Variants in BCL2L13 observed in about 807,000 individuals in gnomAD.
The protein encoded by BCL2L13 is BCL2 like 13.
A neutral mutation model predicts 25.8 loss-of-function variants in BCL2L13; 13 were observed. The observed-to-expected ratio is 0.50, with a 90% CI of 0.33 to 0.80. The LOEUF is 0.80. Among genes scored for constraint, BCL2L13 ranks in the 30% least tolerant of loss-of-function variants. BCL2L13 has a pLI of 0.02. For missense variants in BCL2L13, 504 were observed against 574.9 expected, an observed-to-expected ratio of 0.88 and a Z score of 1.26; for synonymous variants, 244 against 230.3, an observed-to-expected ratio of 1.06 and a Z score of -0.54.
At chr22:17,713,635 T>C (rs1470767736) in intron 6 of BCL2L13, among the ~76,000 whole-genome samples, 1 of 151,700 alleles carries the variant, frequency 6.6e-6, no homozygotes, top group African/African-American at 2.4e-5. Context: ...CTAATTTTTG[T>C]ATTTTTAGTA....
At chr22:17,662,609 C>T (rs1186120364) in intron 2 of BCL2L13, among the ~76,000 whole-genome samples, 4 of 152,066 alleles carry the variant, frequency 2.6e-5, no homozygotes, top group Non-Finnish European at 5.9e-5. Context: ...ATCACTTGAG[C>T]CCAGGAATTC....
At chr22:17,693,031 A>G (rs965189079) in intron 4 of BCL2L13, among the ~76,000 whole-genome samples, 4 of 152,086 alleles carry the variant, frequency 2.6e-5, no homozygotes, top group Non-Finnish European at 5.9e-5. Context: ...TTGTCATGGC[A>G]TGTGTCAGAA....
At position 17,682,592 on chromosome 22, in the gene BCL2L13, C is replaced by G. The variant is rs192548949; in HGVS notation, c.122-622C>G. On this transcript the variant is annotated intron_variant, in intron 2 of 6. Coordinates refer to ENST00000317582, the MANE Select transcript of BCL2L13 (RefSeq NM_015367.4). ...TTGTCTACAAAAAGAGAGGACTGGCCCGACTTATTGATACATCTTTCCCAA... is the reference window on the plus strand; with the variant it reads ...TTGTCTACAAAAAGAGAGGACTGGCGCGACTTATTGATACATCTTTCCCAA... Among the ~76,000 whole-genome samples, 15 of 152,076 alleles carry G rather than the reference C, an allele frequency of 9.9e-5. No homozygotes were observed. The East Asian group carries it at 2.9e-3, about 29-fold the overall frequency.
intron 2 of BCL2L13, among the ~76,000 whole-genome samples, chr22:17,662,433 G>T (rs1033262685): frequency 6.6e-6 from 1 of 152,056 alleles, no homozygotes; most frequent in Non-Finnish European, 1.5e-5. Context: ...AGCTGAGATC[G>T]TGCCACTGCA....
intron 1 of BCL2L13, among the ~76,000 whole-genome samples, chr22:17,652,630 G>A (rs1239770221): frequency 6.6e-6 from 1 of 152,024 alleles, no homozygotes; most frequent in Non-Finnish European, 1.5e-5. Context: ...GTAGAGATGG[G>A]GTTTTGCCAT....
At chr22:17,631,584 G>A (rs186822386) in intron 1 of BCL2L13, among the ~76,000 whole-genome samples, 29 of 143,478 alleles carry the variant, frequency 2.0e-4, no homozygotes, top group African/African-American at 6.0e-4. Context: ...GGCTAGTCTC[G>A]AACTCCTGGG....
chr22:17,636,121 C>T (rs1290145250), upstream of BCL2L13, among the ~76,000 whole-genome samples: 3 of 151,326 alleles, frequency 2.0e-5, no homozygotes, highest in East Asian at 4.0e-4. Flanking sequence ...GTCAGGAGTT[C>T]GAGAGCAGCC....
At chr22:17,685,883 T>C (rs2145599278) in intron 3 of BCL2L13, among the ~76,000 whole-genome samples, 1 of 143,464 alleles carries the variant, frequency 7.0e-6, no homozygotes, top group South Asian at 2.4e-4. Flanking sequence ...GCCATTCTCC[T>C]GCCTCAGCCT....
At chr22:17,635,130 A>AT (rs1381633802), upstream of BCL2L13, among the ~76,000 whole-genome samples, 1 of 151,866 alleles carries the variant, frequency 6.6e-6, no homozygotes, top group African/African-American at 2.4e-5. Flanking sequence ...GCTCATGCCT[A>AT]TAATCCCAGC....
At chr22:17,648,440 G>A (rs908304358) in intron 1 of BCL2L13, among the ~76,000 whole-genome samples, 1 of 152,042 alleles carries the variant, frequency 6.6e-6, no homozygotes, top group Non-Finnish European at 1.5e-5. Context: ...GCTCACGCTT[G>A]TAATCCCAGC....
upstream of BCL2L13, among the ~76,000 whole-genome samples, chr22:17,636,807 T>C (rs2058115501): frequency 2.0e-5 from 3 of 151,044 alleles, no homozygotes; most frequent in South Asian, 6.3e-4. Context: ...AAAATAATAA[T>C]AAAAAATAAA....
At chr22:17,633,748 C>T (rs1331041686), upstream of BCL2L13, among the ~76,000 whole-genome samples, 1 of 152,176 alleles carries the variant, frequency 6.6e-6, no homozygotes, top group African/African-American at 2.4e-5. Context: ...AAAATAGTAA[C>T]TCTAACTTAG....
chr22:17,671,468 G>A (rs1300477381), intron 2 of BCL2L13, among the ~76,000 whole-genome samples: 2 of 150,966 alleles, frequency 1.3e-5, no homozygotes, highest in African/African-American at 2.4e-5. Flanking sequence ...TCAGGAGGCT[G>A]AGGCAGGGGA....
chr22:17,637,196 CAGG>C (rs549816558), upstream of BCL2L13, among the ~76,000 whole-genome samples: 27 of 152,086 alleles, frequency 1.8e-4, no homozygotes, highest in South Asian at 5.6e-3. Flanking sequence ...CACCTGAAGT[CAGG>C]AGTTCAAGAC....
rs1325495979 is a variant in BCL2L13 at position 17,730,738 on chromosome 22, C to T, written c.*3204C>T. ...TGTAGGCTATCTGATTGCTAACAGA[C>T]ACGACCTAGAGCTTCTGCCCAAATT... is the stretch of plus-strand genomic sequence containing the variant. On this transcript the variant is annotated 3_prime_UTR_variant, in exon 7 of 7. Transcript: ENST00000317582. 3.3e-5 allele frequency: 5 copies of T among 152,046 alleles called. No homozygotes were observed. Among genetic ancestry groups the T allele is most frequent in the Non-Finnish European group, 5.9e-5 (4 of 68,014 alleles). The allele number at this position is 152,046 out of a possible 1,614,324, so 9.4% of individuals were successfully genotyped here. A position where few individuals can be genotyped will look rare whatever the true frequency, so the allele number is the denominator to read the frequency against.
intron 6 of BCL2L13, chr22:17,703,466 A>G (rs2060500632): frequency 6.6e-6 from 1 of 152,030 alleles, no homozygotes; most frequent in Non-Finnish European, 1.5e-5. Flanking sequence ...CTGGACATTT[A>G]TGCGGACTCT....
upstream of BCL2L13, chr22:17,638,638 GGA>G: frequency 3.3e-6 from 4 of 1,222,644 alleles, no homozygotes; most frequent in Non-Finnish European, 4.1e-6. Flanking sequence ...ACATCTGGAC[GGA>G]GAGACCTCCG....
intron 6 of BCL2L13, among the ~76,000 whole-genome samples, chr22:17,722,299 G>A (rs2145825848): frequency 6.6e-6 from 1 of 151,790 alleles, no homozygotes; most frequent in African/African-American, 2.4e-5. Context: ...CACGATCATA[G>A]CTCAGTGCAG....
intron 3 of BCL2L13, among the ~76,000 whole-genome samples, chr22:17,688,414 G>A (rs2060008444): frequency 6.6e-6 from 1 of 152,162 alleles, no homozygotes; most frequent in Admixed American, 6.6e-5. Context: ...ATAAGTGCCA[G>A]TTTTATAAAT....
Sources: gnomAD v4.1 joint callset for allele counts (sites outside exome capture counted in the v4.1 genomes callset) on GRCh38, gnomAD v4.1.1 for gene constraint, MANE v1.5 for transcripts, NCBI Gene and HGNC (gene_info 2026-07-23, HGNC 2026-07-21) for gene names.